PACS1: variants seen among roughly 807,000 people sequenced by gnomAD.
PACS1 encodes phosphofurin acidic cluster sorting protein 1.
PACS1 carries 24 observed loss-of-function variants against 115.0 expected under a neutral mutation model. The observed-to-expected ratio is 0.21, with a 90% CI of 0.15 to 0.29. The LOEUF (loss-of-function observed/expected upper bound fraction) is 0.29, where lower values mean the gene tolerates loss of function less well. Among genes scored for constraint, PACS1 ranks in the 10% least tolerant of loss-of-function variants. PACS1 has a pLI of 1.00. For synonymous variants in PACS1, 453 were observed against 504.5 expected (o/e 0.90, Z 1.37); for missense variants, 838 against 1,251.2 (o/e 0.67, Z 4.98).
Position 66,235,465 on chromosome 11 carries a change from C to A in PACS1, c.2207+62C>A. ...TGGGTGGGTTAGAGGAATCTTGAGTCTTCCTTGCTTTCTCACATTTTCCTT... is the reference window on the plus strand; with the variant it reads ...TGGGTGGGTTAGAGGAATCTTGAGTATTCCTTGCTTTCTCACATTTTCCTT... On this transcript the variant is annotated intron_variant, in intron 18 of 23. Coordinates refer to ENST00000320580, the MANE Select transcript of PACS1 (RefSeq NM_018026.4). This position sits in a 1 kb window ranked among gnomAD's most constrained non-coding sequence, Gnocchi z 5.6. 8.6e-7 allele frequency: 1 copy of A among 1,159,360 alleles called. No individual in the cohort carries two copies. Among genetic ancestry groups the A allele is most frequent in the Non-Finnish European group, 1.3e-6 (1 of 775,186 alleles). The allele number at this position is 1,159,360 out of a possible 1,614,324, so 71.8% of individuals were successfully genotyped here.
At chr11:66,162,557 AG>A (rs1453814906) in intron 1 of PACS1, among the ~76,000 whole-genome samples, 3 of 152,208 alleles carry the variant, frequency 2.0e-5, no homozygotes, top group Admixed American at 1.3e-4. Flanking sequence ...GGGGGCTGGA[AG>A]GGGCCAGGCG....
intron 1 of PACS1, among the ~76,000 whole-genome samples, chr11:66,120,467 A>G (rs1858412543): frequency 1.3e-5 from 2 of 152,224 alleles, no homozygotes; most frequent in African/African-American, 4.8e-5. Flanking sequence ...GATTTGCTTA[A>G]TGAAAGAGAT....
rs529176523 is a variant in PACS1, at chr11:66,215,805, C to T, written c.661-314C>T. 1.4e-3 allele frequency among the ~76,000 whole-genome samples: 218 copies of T among 151,656 alleles called. 1 individual carries two copies. Among genetic ancestry groups the T allele is most frequent in the South Asian group, 7.7e-3 (37 of 4,790 alleles). ...ATCCCAGCTACTTGGGAGCCTGAGG[C>T]AGGAGAATCGCTTGAACCTGGGAGG... On this transcript the variant is annotated intron_variant, in intron 4 of 23. Transcript: ENST00000320580.
chr11:66,130,786 T>TCTGTGGGTATAGTGGCTCACA (rs1858682712), intron 1 of PACS1, among the ~76,000 whole-genome samples: 1 of 152,164 alleles, frequency 6.6e-6, no homozygotes, highest in Non-Finnish European at 1.5e-5. Flanking sequence ...CAAACAATGC[T>TCTGTGGGTATAGTGGCTCACA]CTGTGGGTAT....
intron 1 of PACS1, among the ~76,000 whole-genome samples, chr11:66,142,911 G>A (rs866576686): frequency 6.6e-6 from 1 of 151,246 alleles, no homozygotes; most frequent in African/African-American, 2.4e-5. Flanking sequence ...GAAAAAACCC[G>A]CAATCCATGA....
At chr11:66,101,227 A>G (rs188416477) in intron 1 of PACS1, among the ~76,000 whole-genome samples, 3 of 152,294 alleles carry the variant, frequency 2.0e-5, no homozygotes, top group African/African-American at 7.2e-5. Flanking sequence ...ACTGGTATAT[A>G]GGTATGCTTG....
intron 2 of PACS1, among the ~76,000 whole-genome samples, chr11:66,195,451 G>C (rs1384123703): frequency 6.6e-6 from 1 of 152,148 alleles, no homozygotes; most frequent in Non-Finnish European, 1.5e-5. Context: ...CCCGTTTTCA[G>C]GAATTGCTTC....
intron 1 of PACS1, among the ~76,000 whole-genome samples, chr11:66,133,167 G>T (rs1394829456): frequency 6.6e-6 from 1 of 152,110 alleles, no homozygotes; most frequent in Non-Finnish European, 1.5e-5. Context: ...TCTGTCCTGG[G>T]CACTTTATGG....
intron 1 of PACS1, among the ~76,000 whole-genome samples, chr11:66,090,261 TCTTTC>T (rs1477202740): frequency 1.3e-5 from 2 of 148,282 alleles, no homozygotes; most frequent in Middle Eastern, 3.2e-3. Context: ...TCTTTTCTCT[TCTTTC>T]CTTTCTTTTT....
chr11:66,091,791 G>A (rs924018412), intron 1 of PACS1, among the ~76,000 whole-genome samples: 4 of 151,596 alleles, frequency 2.6e-5, no homozygotes, highest in Admixed American at 2.6e-4. Flanking sequence ...TTGTTGTTGC[G>A]ATAGTTTACT....
Position 66,085,902 on chromosome 11 carries a change from C to T in PACS1, c.356+15060C>T, listed in dbSNP as rs116117468. On this transcript the variant is annotated intron_variant, in intron 1 of 23. Transcript: ENST00000320580. ...GAGCCATCAGGTGCTTGTGGGTACA[C>T]GTGGCTTTATTTGTGTGAATATGAC... Among the ~76,000 whole-genome samples, 1,457 of 152,242 alleles carry T rather than the reference C, an allele frequency of 9.6e-3. 24 individuals carry two copies. The highest frequency in any genetic ancestry group is 0.032 in the African/African-American group (1,341 of 41,546).
intron 1 of PACS1, among the ~76,000 whole-genome samples, chr11:66,094,547 A>G (rs1857734458): frequency 6.6e-6 from 1 of 152,200 alleles, no homozygotes; most frequent in Admixed American, 6.5e-5. Flanking sequence ...AATTGTGGCA[A>G]TAATCAATAG....
chr11:66,237,702 C>T (rs546852920), intron 19 of PACS1, among the ~76,000 whole-genome samples: 3 of 152,258 alleles, frequency 2.0e-5, no homozygotes, highest in South Asian at 2.1e-4. Context: ...ACTCAGGCCT[C>T]GCAACCGAGA....
intron 1 of PACS1, among the ~76,000 whole-genome samples, chr11:66,178,837 G>T (rs1859937622): frequency 6.6e-6 from 1 of 152,084 alleles, no homozygotes; most frequent in Non-Finnish European, 1.5e-5. Flanking sequence ...GAGAGAATGA[G>T]GTTGAAATAG....
intron 21 of PACS1, among the ~76,000 whole-genome samples, chr11:66,239,923 A>G (rs1855777528): frequency 6.6e-6 from 1 of 152,252 alleles, no homozygotes; most frequent in South Asian, 2.1e-4. Context: ...CCGGAGGCCA[A>G]GGCCGGAGGA....
intron 1 of PACS1, among the ~76,000 whole-genome samples, chr11:66,130,765 T>G (rs543282527): frequency 6.6e-6 from 1 of 152,268 alleles, no homozygotes; most frequent in African/African-American, 2.4e-5. Flanking sequence ...TTATTTGTTC[T>G]CCCTGTACCA....
At position 66,233,184 on chromosome 11, in the gene PACS1, AGG is replaced by A. The variant is rs1397630889; in HGVS notation, c.1838+121_1838+122del. 1 of 733,068 alleles carries A rather than the reference AGG, an allele frequency of 1.4e-6. No homozygotes were observed. Among genetic ancestry groups the A allele is most frequent in the African/African-American group, 1.7e-5 (1 of 57,254 alleles). The allele number at this position is 733,068 out of a possible 1,614,324, so 45.4% of individuals were successfully genotyped here. ...GCCTCATCAGACCAAGAATTTGCAG[AGG>A]GGCGTATGTTTAGGGGGGTGGCGGC... On this transcript the variant is annotated intron_variant, in intron 15 of 23. Coordinates refer to ENST00000320580, the MANE Select transcript of PACS1 (RefSeq NM_018026.4). The surrounding 1 kb of genome is among the most constrained non-coding windows in gnomAD (Gnocchi z 4.5).
Position 66,076,819 on chromosome 11 carries a change from G to A in PACS1, c.356+5977G>A, listed in dbSNP as rs533666490. Among the ~76,000 whole-genome samples the A allele has an allele frequency of 1.0e-3, 154 of 152,332 alleles. 1 individual carries two copies. The highest frequency in any genetic ancestry group is 1.6e-3 in the Non-Finnish European group (110 of 68,030). ...TCCGGAAATTCCGTGGGAATCTAGC[G>A]TAGCTGTGGGAATGATTTGCCAACG... On this transcript the variant is annotated intron_variant, in intron 1 of 23. Coordinates refer to ENST00000320580, the MANE Select transcript of PACS1 (RefSeq NM_018026.4).
chr11:66,119,454 C>T (rs920948401), intron 1 of PACS1, among the ~76,000 whole-genome samples: 28 of 152,200 alleles, frequency 1.8e-4, no homozygotes, highest in African/African-American at 6.5e-4. Context: ...ACAGAGAAAG[C>T]TTGCTGGCTC....
Sources: gnomAD v4.1 joint callset for allele counts (sites outside exome capture counted in the v4.1 genomes callset) on GRCh38, gnomAD v4.1.1 for gene constraint, Gnocchi (gnomAD v3.1) non-coding constraint, MANE v1.5 for transcripts, NCBI Gene and HGNC (gene_info 2026-07-23, HGNC 2026-07-21) for gene names.